The following ARHGEF37 variants were observed in gnomAD, a reference collection of about 807,000 sequenced individuals.
ARHGEF37 encodes Rho guanine nucleotide exchange factor 37, also known as Rho guanine nucleotide exchange factor (GEF) 37.
ARHGEF37 carries 55 observed loss-of-function variants against 71.1 expected under a neutral mutation model. The observed-to-expected ratio is 0.77, with a 90% CI of 0.62 to 0.97. The LOEUF is 0.97. Among genes scored for constraint, ARHGEF37 ranks in the 50% least tolerant of loss-of-function variants. The pLI is 0.00. For missense variants in ARHGEF37, 765 were observed against 836.8 expected (o/e 0.91, Z 1.06); for synonymous variants, 327 against 350.6 (o/e 0.93, Z 0.75).
rs1334055743 is a variant in ARHGEF37, at chr5:149,632,629, C to G, written c.*438C>G. The G allele has an allele frequency of 5.4e-6, 1 of 185,026 alleles. No individual in the cohort carries two copies. Among genetic ancestry groups the G allele is most frequent in the Admixed American group, 5.3e-5 (1 of 18,736 alleles). 11.5% of individuals were successfully genotyped at this position (185,026 alleles called of 1,614,324 possible). ...TCCAGAACTGCCTGGTCAGACAGTT[C>G]ACTTCCTACACATGGTATCAGGAGA... On this transcript the variant is annotated 3_prime_UTR_variant, in exon 13 of 13. Coordinates refer to ENST00000333677, the MANE Select transcript of ARHGEF37 (RefSeq NM_001001669.3).
chr5:149,620,038 A>T lies in ARHGEF37; in HGVS notation c.895-316A>T, dbSNP rs183898001. Among the ~76,000 whole-genome samples, 455 of 151,354 alleles carry T rather than the reference A, an allele frequency of 3.0e-3. 3 individuals are homozygous for T. Among genetic ancestry groups the T allele is most frequent in the African/African-American group, 0.011 (444 of 41,198 alleles). ...CAATGAGCCAAGATCATGCCACTGC[A>T]CACCAGCCTGGGTGACAGAGTGAGA... On this transcript the variant is annotated intron_variant, in intron 7 of 12. Coordinates refer to ENST00000333677, the MANE Select transcript of ARHGEF37 (RefSeq NM_001001669.3).
Position 149,571,905 on chromosome 5 carries a change from CAAAAAA to C in ARHGEF37, c.-12+19798_-12+19803del, listed in dbSNP as rs150393350. The stretch of plus-strand genomic sequence containing the variant: ...TGGGTGACAGAGTGAGACCCTGTCT[CAAAAAA>C]AAAAAAAAAAAAAAAGAAGTTGACA... On this transcript the variant is annotated intron_variant, in intron 1 of 2. Coordinates refer to the ARHGEF37 transcript ENST00000505810. Among the ~76,000 whole-genome samples, 4 of 77,562 alleles carry C rather than the reference CAAAAAA, an allele frequency of 5.2e-5. No individual in the cohort carries two copies. The East Asian group carries it at 1.6e-3, about 30-fold the overall frequency. 50.9% of individuals were successfully genotyped at this position (77,562 alleles called of 152,430 possible).
intron 1 of ARHGEF37, among the ~76,000 whole-genome samples, chr5:149,565,025 C>T (rs950001476): frequency 2.6e-5 from 4 of 152,162 alleles, no homozygotes; most frequent in Non-Finnish European, 5.9e-5. Context: ...TCTGGACAGT[C>T]AGATGTTAAA....
chr5:149,591,925 T>A (rs1580898468), intron 1 of ARHGEF37, among the ~76,000 whole-genome samples: 1 of 152,238 alleles, frequency 6.6e-6, no homozygotes, highest in Non-Finnish European at 1.5e-5. Flanking sequence ...TACTTATACA[T>A]TTTTCAACTT....
intron 3 of ARHGEF37, among the ~76,000 whole-genome samples, chr5:149,607,009 G>A (rs983095447): frequency 2.0e-5 from 3 of 152,134 alleles, no homozygotes; most frequent in African/African-American, 7.2e-5. Flanking sequence ...TCTGCCTCCA[G>A]GGTTCAAGCA....
intron 1 of ARHGEF37, among the ~76,000 whole-genome samples, chr5:149,555,579 C>G (rs1446329212): frequency 6.6e-6 from 1 of 151,440 alleles, no homozygotes; most frequent in Non-Finnish European, 1.5e-5. Context: ...CCTCCCAAAA[C>G]GCTAGGATGA....
At chr5:149,562,131 C>T (rs1301621397) in intron 1 of ARHGEF37, among the ~76,000 whole-genome samples, 1 of 152,178 alleles carries the variant, frequency 6.6e-6, no homozygotes, top group Non-Finnish European at 1.5e-5. Flanking sequence ...CTAACTGCTC[C>T]ATTTCAGCCT....
intron 4 of ARHGEF37, among the ~76,000 whole-genome samples, chr5:149,613,922 C>T (rs1434915425): frequency 1.3e-5 from 2 of 151,958 alleles, no homozygotes; most frequent in African/African-American, 2.4e-5. Flanking sequence ...TGCCACCACA[C>T]CTGACTCATT....
At position 149,632,045 on chromosome 5, in the gene ARHGEF37, C is replaced by G. The variant is rs1465929018; in HGVS notation, c.1882C>G (p.Pro628Ala). 2.5e-6 allele frequency: 4 copies of G among 1,614,222 alleles called. No individual in the cohort carries two copies. The highest frequency in any genetic ancestry group is 3.4e-6 in the Non-Finnish European group (4 of 1,180,036). Residue 628 changes from proline to alanine, a missense_variant, in exon 13 of 13, where the codon CCT (proline) becomes GCT (alanine). Transcript: ENST00000333677. ...TGAAGTGAGCCTGCAGGCAGGCCAG[C>G]CTGTGACCATCCTGGAGGCCCAGGA... ...SHEVSLQAGQ[P>A]VTILEAQDKK... is the part of the protein sequence containing the mutation.
chr5:149,562,307 T>TA (rs1277235467), intron 1 of ARHGEF37, among the ~76,000 whole-genome samples: 1 of 152,220 alleles, frequency 6.6e-6, no homozygotes, highest in Non-Finnish European at 1.5e-5. Flanking sequence ...GTATAGTTCA[T>TA]AGAGTATTTT....
chr5:149,596,083 C>G (rs1192514158), intron 1 of ARHGEF37, among the ~76,000 whole-genome samples: 1 of 151,988 alleles, frequency 6.6e-6, no homozygotes, highest in African/African-American at 2.4e-5. Flanking sequence ...GTTTCAAATA[C>G]TGTCTTCCTT....
At chr5:149,609,745 C>A in intron 4 of ARHGEF37, 50 bp downstream of exon 4, 1 of 1,608,446 alleles carries the variant, frequency 6.2e-7, no homozygotes, top group South Asian at 1.1e-5. Context: ...TGACCCGGTT[C>A]AGGAGCAGCT....
At chr5:149,574,001 T>C (rs1005183310) in intron 1 of ARHGEF37, among the ~76,000 whole-genome samples, 8 of 152,238 alleles carry the variant, frequency 5.3e-5, no homozygotes, top group Admixed American at 5.2e-4. Flanking sequence ...AACATCCTTA[T>C]GCGAATATCT....
At chr5:149,568,335 TGATTAAG>T (rs1349380187) in intron 1 of ARHGEF37, among the ~76,000 whole-genome samples, 1 of 152,126 alleles carries the variant, frequency 6.6e-6, no homozygotes, top group Non-Finnish European at 1.5e-5. Flanking sequence ...CCAATATACT[TGATTAAG>T]CCTAAAATGT....
chr5:149,609,682 G>A lies in ARHGEF37; in HGVS notation c.445G>A (p.Val149Ile), dbSNP rs202150562. ...GCTGCAGCGGCACATCCAGGGCATC[G>A]TTGAGGCGGTGGTGTGAGTAGAACG... ...PELQRHIQGI[V>I]EAVVPQAGSS... Residue 149 changes from valine to isoleucine, a missense_variant, in exon 4 of 13, where the codon GTT becomes ATT. This residue lies in a region of ARHGEF37 where 201 missense variants were observed against 217.5 expected (regional missense o/e 0.92). Coordinates refer to ENST00000333677, the MANE Select transcript of ARHGEF37 (RefSeq NM_001001669.3). The A allele has an allele frequency of 1.3e-4, 215 of 1,612,250 alleles. No homozygotes were observed. The highest frequency in any genetic ancestry group is 1.7e-4 in the Non-Finnish European group (195 of 1,180,022).
intron 1 of ARHGEF37, among the ~76,000 whole-genome samples, chr5:149,595,388 C>G (rs1350143843): frequency 6.6e-6 from 1 of 151,860 alleles, no homozygotes. Flanking sequence ...ACTATGTTGC[C>G]CAGGCTGGTC....
intron 1 of ARHGEF37, among the ~76,000 whole-genome samples, chr5:149,595,945 A>ATT (rs34343291): frequency 3.3e-4 from 46 of 138,090 alleles, no homozygotes; most frequent in African/African-American, 9.0e-4. Context: ...GGATAGCTGC[A>ATT]TTTTTTTTTT....
At chr5:149,598,141 C>A (rs1000283898) in intron 2 of ARHGEF37, among the ~76,000 whole-genome samples, 186 bp downstream of exon 2, 6 of 152,206 alleles carry the variant, frequency 3.9e-5, no homozygotes, top group Non-Finnish European at 7.3e-5. Flanking sequence ...CCATCAAGGT[C>A]TTCCATGGCT....
At position 149,634,046 on chromosome 5, in the gene ARHGEF37, T is replaced by C. The variant is rs905027828; in HGVS notation, c.*1855T>C. ...ACCGAAGGCCTACTGTGTGCTAGAA[T>C]TGTAGCTCAGGAGTTCTCAGTGTAG... On this transcript the variant is annotated 3_prime_UTR_variant, in exon 13 of 13. Coordinates refer to ENST00000333677, the MANE Select transcript of ARHGEF37 (RefSeq NM_001001669.3). 5 of 152,314 alleles carry C rather than the reference T, an allele frequency of 3.3e-5. No individual in the cohort carries two copies. The highest frequency in any genetic ancestry group is 5.9e-5 in the Non-Finnish European group (4 of 68,022). 9.4% of individuals were successfully genotyped at this position (152,314 alleles called of 1,614,324 possible).
Sources: allele counts gnomAD v4.1 joint callset (sites outside exome capture counted in the v4.1 genomes callset), GRCh38; gene constraint gnomAD v4.1.1; regional missense constraint gnomAD v4.1.1; transcripts MANE v1.5; gene names NCBI Gene and HGNC (gene_info 2026-07-23, HGNC 2026-07-21).